The following TIAM1 variants were observed in gnomAD, a reference collection of about 807,000 sequenced individuals.
The protein encoded by TIAM1 is TIAM Rac1 associated GEF 1.
In TIAM1, 65 loss-of-function variants were observed where a neutral mutation model predicts 163.5. The observed-to-expected ratio is 0.40, with a 90% CI of 0.33 to 0.49. The LOEUF is 0.49. Ranked by LOEUF, TIAM1 falls within the 20% of genes least tolerant of loss-of-function variation. The pLI is 0.77. For synonymous variants in TIAM1, 833 were observed against 810.1 expected, an observed-to-expected ratio of 1.03 and a Z score of -0.48; for missense variants, 1,789 against 2,044.7, an observed-to-expected ratio of 0.87 and a Z score of 2.41.
intron 8 of TIAM1, 140 bp from the exon 9 acceptor site, chr21:31,217,839 T>G: frequency 1.0e-6 from 1 of 958,396 alleles, no homozygotes. Flanking sequence ...GCCTAAAGTA[T>G]TCAATCCATG....
At chr21:31,261,262 C>CT (rs397792273) in intron 4 of TIAM1, among the ~76,000 whole-genome samples, 3,866 of 136,816 alleles carry the variant, frequency 0.028, 87 homozygotes, top group African/African-American at 0.039. Context: ...CAGCCAAGTC[C>CT]TTTTTTTTTT....
chr21:31,329,328 AC>A (rs2075599887), intron 2 of TIAM1, among the ~76,000 whole-genome samples: 1 of 152,314 alleles, frequency 6.6e-6, no homozygotes, highest in Non-Finnish European at 1.5e-5. Flanking sequence ...GTCAAAGACA[AC>A]CCGCAAGAAG....
intron 13 of TIAM1, among the ~76,000 whole-genome samples, chr21:31,189,017 C>A (rs138508048): frequency 1.3e-4 from 19 of 148,920 alleles, no homozygotes; most frequent in African/African-American, 4.0e-4. Context: ...CATGGAGACA[C>A]CTCAGGTATG....
At chr21:31,520,551 C>T (rs2047545163) in intron 1 of TIAM1, among the ~76,000 whole-genome samples, 1 of 152,150 alleles carries the variant, frequency 6.6e-6, no homozygotes, top group Non-Finnish European at 1.5e-5. Flanking sequence ...AATGTGCTGT[C>T]CTAAGGCAGG....
chr21:31,418,663 C>T (rs1419713535), intron 2 of TIAM1, among the ~76,000 whole-genome samples: 1 of 152,158 alleles, frequency 6.6e-6, no homozygotes, highest in Non-Finnish European at 1.5e-5. Flanking sequence ...GCTTTAAACA[C>T]AGGAGTTAGA....
chr21:31,432,775 GACGGGA>G (rs2147282569), intron 2 of TIAM1, among the ~76,000 whole-genome samples: 1 of 152,328 alleles, frequency 6.6e-6, no homozygotes, highest in East Asian at 1.9e-4. Context: ...TGTGATGGGA[GACGGGA>G]GCAGAAAATA....
chr21:31,130,834 C>A, intron 24 of TIAM1, 56 bp downstream of exon 24: 1 of 1,518,646 alleles, frequency 6.6e-7, no homozygotes. Context: ...GCAGGCATAA[C>A]TGATAAGCAG....
At chr21:31,520,058 G>A (rs142649890) in intron 1 of TIAM1, among the ~76,000 whole-genome samples, 13 of 152,306 alleles carry the variant, frequency 8.5e-5, no homozygotes, top group Non-Finnish European at 1.6e-4. Context: ...TGGGCCGGGC[G>A]CGGTGGCCAC....
intron 2 of TIAM1, among the ~76,000 whole-genome samples, chr21:31,376,899 C>T (rs1207627435): frequency 6.6e-6 from 1 of 152,068 alleles, no homozygotes; most frequent in Non-Finnish European, 1.5e-5. Context: ...CACTCTGTCA[C>T]CCGGGCTGGG....
intron 2 of TIAM1, among the ~76,000 whole-genome samples, chr21:31,440,900 A>G (rs2044395601): frequency 1.3e-5 from 2 of 152,156 alleles, no homozygotes; most frequent in African/African-American, 2.4e-5. Context: ...AAAAAGACAA[A>G]TGAAGTGGTA....
intron 5 of TIAM1, among the ~76,000 whole-genome samples, chr21:31,247,975 C>G (rs1462417178): frequency 6.6e-6 from 1 of 152,174 alleles, no homozygotes; most frequent in Non-Finnish European, 1.5e-5. Context: ...TTGGCAATGT[C>G]TGGTGACCTT....
At chr21:31,140,099 C>G (rs1459871340) in intron 22 of TIAM1, among the ~76,000 whole-genome samples, 2 of 152,158 alleles carry the variant, frequency 1.3e-5, no homozygotes, top group African/African-American at 2.4e-5. Flanking sequence ...AATTTTACCT[C>G]TTTCAGAAAA....
At chr21:31,146,422 AAAAC>A (rs1353586245) in intron 20 of TIAM1, among the ~76,000 whole-genome samples, 5 of 146,212 alleles carry the variant, frequency 3.4e-5, no homozygotes, top group South Asian at 2.1e-4. Flanking sequence ...AAAAAAAAAA[AAAAC>A]AAGGCAGGGA....
chr21:31,135,650 C>CAAA (rs111656838), intron 23 of TIAM1, among the ~76,000 whole-genome samples: 2 of 143,984 alleles, frequency 1.4e-5, no homozygotes, highest in Non-Finnish European at 3.1e-5. Context: ...GAGCAGCAGC[C>CAAA]AAAAAAAAAA....
rs768762898 is a variant in TIAM1, at chr21:31,182,687, A to G, written c.2663-42T>C. On this transcript the variant is annotated intron_variant, in intron 14 of 27. Transcript: ENST00000541036. ...GAAAATTTTTAATTTCACACACATTATCAGAACACAACAGCTTAGGAGCTC... is the reference window on the plus strand; with the variant it reads ...GAAAATTTTTAATTTCACACACATTGTCAGAACACAACAGCTTAGGAGCTC... 1.9e-6 allele frequency: 3 copies of G among 1,578,864 alleles called. No individual in the cohort carries two copies. The East Asian group carries it at 6.7e-5, about 35-fold the overall frequency.
At chr21:31,152,150 A>C (rs1350456382) in intron 19 of TIAM1, among the ~76,000 whole-genome samples, 2 of 149,970 alleles carry the variant, frequency 1.3e-5, no homozygotes, top group African/African-American at 4.9e-5. Flanking sequence ...CTCCTGCCTC[A>C]GCCTCCTGAG....
At chr21:31,258,076 C>A (rs2146777329) in intron 4 of TIAM1, among the ~76,000 whole-genome samples, 1 of 152,030 alleles carries the variant, frequency 6.6e-6, no homozygotes, top group Admixed American at 6.6e-5. Flanking sequence ...ATCCCCCACA[C>A]CCCATCTTCC....
At chr21:31,371,281 C>T (rs2147155368) in intron 2 of TIAM1, among the ~76,000 whole-genome samples, 1 of 152,308 alleles carries the variant, frequency 6.6e-6, no homozygotes, top group South Asian at 2.1e-4. Flanking sequence ...ATTCAGGCAA[C>T]AGGACTGGCT....
intron 1 of TIAM1, among the ~76,000 whole-genome samples, chr21:31,541,731 G>GA (rs1601036442): frequency 6.6e-6 from 1 of 152,162 alleles, no homozygotes; most frequent in African/African-American, 2.4e-5. Flanking sequence ...ATATGGATAA[G>GA]AAAAAACAGA....
Sources: gnomAD v4.1 joint callset for allele counts (sites outside exome capture counted in the v4.1 genomes callset) on GRCh38, gnomAD v4.1.1 for gene constraint, MANE v1.5 for transcripts, NCBI Gene and HGNC (gene_info 2026-07-23, HGNC 2026-07-21) for gene names.